Variants in CAPRIN2 observed in about 807,000 individuals in gnomAD.
CAPRIN2 encodes the protein caprin-2.
A neutral mutation model predicts 130.4 loss-of-function variants in CAPRIN2; 66 were observed. The ratio of observed to expected loss-of-function variants is 0.51; its 90% CI spans 0.42 to 0.62. The LOEUF is 0.62. Among genes scored for constraint, CAPRIN2 ranks in the 20% least tolerant of loss-of-function variants. The pLI, the probability that CAPRIN2 is intolerant of heterozygous loss-of-function variation, is 0.00. For synonymous variants in CAPRIN2, 471 were observed against 444.1 expected, an observed-to-expected ratio of 1.06 and a Z score of -0.76; for missense variants, 1,185 against 1,246.6, an observed-to-expected ratio of 0.95 and a Z score of 0.74.
rs1466493946 is a variant in CAPRIN2 at position 30,711,634 on chromosome 12, A to G, written c.2602-5T>C. On this transcript the variant is annotated splice_region_variant and splice_polypyrimidine_tract_variant and intron_variant, in intron 15 of 16. Transcript: ENST00000298892. ...ATAACACTGCTGGAAATTATCCTAAAGTGAACATATAATATTTACCTTGGC... is the reference window on the plus strand; with the variant it reads ...ATAACACTGCTGGAAATTATCCTAAGGTGAACATATAATATTTACCTTGGC... 1 of 1,611,338 alleles carries G rather than the reference A, an allele frequency of 6.2e-7. No individual in the cohort carries two copies. The highest frequency in any genetic ancestry group is 1.7e-5 in the Admixed American group (1 of 60,018).
At chr12:30,746,163 AT>A (rs2070192650) in intron 2 of CAPRIN2, among the ~76,000 whole-genome samples, 1 of 152,222 alleles carries the variant, frequency 6.6e-6, no homozygotes, top group Admixed American at 6.5e-5. Flanking sequence ...GAATGAGTAG[AT>A]GGAGCACAGA....
intron 12 of CAPRIN2, chr12:30,720,404 T>C (rs1158030855): frequency 6.4e-6 from 1 of 155,648 alleles, no homozygotes; most frequent in Non-Finnish European, 1.4e-5. Context: ...TTGACAAAGT[T>C]AGCCAAAACA....
intron 11 of CAPRIN2, 35 bp downstream of exon 12, chr12:30,723,224 G>A (rs1454887566): frequency 1.4e-6 from 2 of 1,427,768 alleles, no homozygotes; most frequent in Admixed American, 3.4e-5. Flanking sequence ...TCTTCCTTGA[G>A]CAGCAAAGAA....
intron 2 of CAPRIN2, among the ~76,000 whole-genome samples, chr12:30,743,577 A>T (rs2068516834): frequency 6.6e-6 from 1 of 151,846 alleles, no homozygotes; most frequent in South Asian, 2.1e-4. Context: ...TTTTTCTCCC[A>T]TTTCTCCAGC....
exon 8 of CAPRIN2, chr12:30,728,812 T>C (rs755030479): frequency 1.2e-6 from 2 of 1,614,188 alleles, no homozygotes; most frequent in Non-Finnish European, 1.7e-6. Context: ...TCTGGCTGTT[T>C]TGAATCCTGT....
chr12:30,732,968 T>G (rs2063249259), intron 5 of CAPRIN2, among the ~76,000 whole-genome samples: 1 of 152,186 alleles, frequency 6.6e-6, no homozygotes, highest in African/African-American at 2.4e-5. Flanking sequence ...TTTTTAATTT[T>G]GATTTAAGCT....
At chr12:30,730,672 G>A (rs537593155) in intron 6 of CAPRIN2, among the ~76,000 whole-genome samples, 5 of 152,160 alleles carry the variant, frequency 3.3e-5, no homozygotes, top group African/African-American at 1.2e-4. Context: ...CCTCTTACAA[G>A]CCAGTTTAAG....
chr12:30,754,474 A>T (rs1404587543), exon 1 of CAPRIN2: 2 of 152,110 alleles, frequency 1.3e-5, no homozygotes, highest in Non-Finnish European at 2.9e-5. Context: ...AGCGAAGAGC[A>T]CCTCTCCCGA....
intron 12 of CAPRIN2, among the ~76,000 whole-genome samples, chr12:30,717,906 T>C (rs2058165816): frequency 6.6e-6 from 1 of 152,208 alleles, no homozygotes; most frequent in Non-Finnish European, 1.5e-5. Context: ...ACCTCCATAC[T>C]AAAATGTTAA....
chr12:30,728,928 A>T, exon 8 of CAPRIN2: 1 of 1,614,150 alleles, frequency 6.2e-7, no homozygotes. Context: ...TTCTTTCTGC[A>T]GCTGAACTGG....
exon 1 of CAPRIN2, chr12:30,753,806 C>T (rs371693879): frequency 6.5e-7 from 1 of 1,531,912 alleles, no homozygotes; most frequent in South Asian, 1.3e-5. Context: ...ATAAGGATAG[C>T]CTTTACATAG....
At chr12:30,721,450 A>T (rs1441324293) in intron 11 of CAPRIN2, among the ~76,000 whole-genome samples, 1 of 152,246 alleles carries the variant, frequency 6.6e-6, no homozygotes, top group Non-Finnish European at 1.5e-5. Context: ...TCAGAATGGC[A>T]CCAAAAATTC....
chr12:30,730,261 T>C (rs765861832), exon 7 of CAPRIN2: 12 of 1,611,822 alleles, frequency 7.4e-6, no homozygotes, highest in South Asian at 5.5e-5. Flanking sequence ...TATCTCTGGC[T>C]GGGCAAATTC....
chr12:30,720,995 A>G, intron 11 of CAPRIN2, 80 bp from the exon 13 acceptor site: 2 of 929,430 alleles, frequency 2.2e-6, no homozygotes, highest in South Asian at 1.3e-5. Context: ...CCTTCCTAAT[A>G]TGTTACTCTT....
chr12:30,729,157 C>T, exon 8 of CAPRIN2: 1 of 1,613,968 alleles, frequency 6.2e-7, no homozygotes, highest in Non-Finnish European at 8.5e-7. Context: ...TTACCAGAAG[C>T]CTCCCAGGAC....
chr12:30,738,216 T>G (rs1400363992), intron 3 of CAPRIN2, among the ~76,000 whole-genome samples: 1 of 151,686 alleles, frequency 6.6e-6, no homozygotes, highest in African/African-American at 2.4e-5. Context: ...AAAATGAAAG[T>G]AAATCTCAAA....
At chr12:30,738,440 A>C (rs2065870862) in intron 3 of CAPRIN2, among the ~76,000 whole-genome samples, 1 of 152,194 alleles carries the variant, frequency 6.6e-6, no homozygotes. Context: ...GTAAAACCCA[A>C]AACTATAAAA....
At chr12:30,724,929 G>A (rs1373394728) in intron 9 of CAPRIN2, among the ~76,000 whole-genome samples, 1 of 152,160 alleles carries the variant, frequency 6.6e-6, no homozygotes, top group Non-Finnish European at 1.5e-5. Flanking sequence ...AGGAATTCGA[G>A]GCTGCAGTGA....
At chr12:30,725,108 C>A (rs1447113899) in intron 9 of CAPRIN2, among the ~76,000 whole-genome samples, 3 of 152,156 alleles carry the variant, frequency 2.0e-5, no homozygotes, top group Non-Finnish European at 4.4e-5. Flanking sequence ...CTAATCAGAA[C>A]CCCCATTTTT....
Sources: gnomAD v4.1 joint callset for allele counts (sites outside exome capture counted in the v4.1 genomes callset) on GRCh38, gnomAD v4.1.1 for gene constraint, MANE v1.5 for transcripts, NCBI Gene and HGNC (gene_info 2026-07-23, HGNC 2026-07-21) for gene names.